Variants in NLK observed in about 807,000 individuals in gnomAD.
NLK encodes nemo like kinase, also known as serine/threonine-protein kinase NLK.
NLK carries 11 observed loss-of-function variants against 59.0 expected under a neutral mutation model. The observed-to-expected ratio is 0.19, with a 90% CI of 0.12 to 0.31. The LOEUF (loss-of-function observed/expected upper bound fraction) is 0.31. Among genes scored for constraint, NLK ranks in the 10% least tolerant of loss-of-function variants. NLK has a pLI of 1.00. For missense variants in NLK, 410 were observed against 661.1 expected (o/e 0.62, Z 4.16); for synonymous variants, 235 against 235.9 (o/e 1.00, Z 0.03).
At chr17:28,112,916 C>T (rs1905587350) in intron 1 of NLK, among the ~76,000 whole-genome samples, 1 of 151,646 alleles carries the variant, frequency 6.6e-6, no homozygotes, top group Non-Finnish European at 1.5e-5. Context: ...TGGAATTCTA[C>T]AACATAAAAA....
At chr17:28,202,181 G>A in the NLK span, among the ~76,000 whole-genome samples, 2 of 152,204 alleles carry the variant, frequency 1.3e-5, no homozygotes, top group Admixed American at 1.3e-4. Flanking sequence ...GGTATTACTT[G>A]AAGCCAGGAG....
chr17:28,099,780 T>G (rs1040771791), intron 1 of NLK, among the ~76,000 whole-genome samples: 1 of 150,846 alleles, frequency 6.6e-6, no homozygotes, highest in Non-Finnish European at 1.5e-5. Context: ...GGGTTTCACC[T>G]TGTTAGCCAG....
intron 1 of NLK, among the ~76,000 whole-genome samples, chr17:28,091,919 A>AT (rs945132977): frequency 7.3e-5 from 11 of 151,516 alleles, no homozygotes; most frequent in African/African-American, 2.2e-4. Flanking sequence ...CTGGCATCTG[A>AT]TTTTTTTTTC....
At chr17:28,118,182 G>A (rs1372082822) in intron 1 of NLK, among the ~76,000 whole-genome samples, 5 of 152,008 alleles carry the variant, frequency 3.3e-5, no homozygotes, top group Admixed American at 1.3e-4. Context: ...TAAATGTGAC[G>A]GCAATAATCT....
chr17:28,142,218 A>C lies in NLK; in HGVS notation c.644+9543A>C, dbSNP rs553858054. Among the ~76,000 whole-genome samples the C allele has an allele frequency of 7.2e-4, 110 of 151,872 alleles. 1 individual carries two copies. The highest frequency in any genetic ancestry group is 2.6e-3 in the African/African-American group (107 of 41,380). ...CCGCTTTTTTCTTTTTTTTCTGGTG[A>C]TTGGATTGATTTTTTTTTAGTCAGT... On this transcript the variant is annotated intron_variant, in intron 3 of 10. Transcript: ENST00000407008.
chr17:28,164,458 A>T (rs1908139720), intron 5 of NLK, among the ~76,000 whole-genome samples: 1 of 152,206 alleles, frequency 6.6e-6, no homozygotes, highest in African/African-American at 2.4e-5. Flanking sequence ...ATAGTAGCCA[A>T]TTCTTAATTA....
downstream of NLK, among the ~76,000 whole-genome samples, chr17:28,197,274 G>A (rs1355244899): frequency 1.1e-4 from 17 of 152,036 alleles, no homozygotes; most frequent in Non-Finnish European, 1.5e-5. Flanking sequence ...TTCAAGACCA[G>A]CCTGGCCAAC....
At chr17:28,119,629 A>G (rs931320933) in intron 1 of NLK, among the ~76,000 whole-genome samples, 2 of 152,218 alleles carry the variant, frequency 1.3e-5, no homozygotes, top group African/African-American at 2.4e-5. Context: ...TCATTTGGCA[A>G]CCATCGTAAT....
At chr17:28,061,904 CATATATACAT>C (rs991907623) in intron 1 of NLK, 19 of 138,896 alleles carry the variant, frequency 1.4e-4, no homozygotes, top group Middle Eastern at 3.8e-3. Flanking sequence ...CATATACATA[CATATATACAT>C]ATATATACAT....
chr17:28,119,709 A>G (rs1432739563), intron 1 of NLK, among the ~76,000 whole-genome samples: 1 of 152,226 alleles, frequency 6.6e-6, no homozygotes, highest in Non-Finnish European at 1.5e-5. Context: ...GGAATAGGAT[A>G]TTTACACAGT....
In NLK at chr17:28,140,887, C is replaced by T. The variant is rs116246425; in HGVS notation, c.644+8212C>T. On this transcript the variant is annotated intron_variant, in intron 3 of 10. Transcript: ENST00000407008. Reference sequence around the variant, plus strand: ...TTCAGTAGTCCTTCCTGTATCAATTCGTGTAAGAACAGTTACATATTAGTA... The same window carrying T: ...TTCAGTAGTCCTTCCTGTATCAATTTGTGTAAGAACAGTTACATATTAGTA... Among the ~76,000 whole-genome samples, 503 of 152,098 alleles carry T rather than the reference C, an allele frequency of 3.3e-3. 3 individuals are homozygous for T. Among genetic ancestry groups the T allele is most frequent in the African/African-American group, 0.011 (473 of 41,510 alleles).
chr17:28,153,274 CAAAAA>C (rs1281657628), intron 3 of NLK, among the ~76,000 whole-genome samples: 2 of 104,754 alleles, frequency 1.9e-5, no homozygotes, highest in African/African-American at 7.0e-5. Context: ...AATTCCCCCT[CAAAAA>C]AAAAAAAAAA....
rs371018166 is a variant in NLK at position 28,181,973 on chromosome 17, GC to G, written c.1150-3205del. Reference sequence around the variant, plus strand: ...TGCGGTGAGCTGAGATCGCACCATTGCGCTCCAGCCTGGGGGACAGAGCAAG... The same window carrying G: ...TGCGGTGAGCTGAGATCGCACCATTGGCTCCAGCCTGGGGGACAGAGCAAG... On this transcript the variant is annotated intron_variant, in intron 7 of 10. Transcript: ENST00000407008. Among the ~76,000 whole-genome samples the G allele has an allele frequency of 5.2e-3, 794 of 152,218 alleles. 13 individuals are homozygous for G. Among genetic ancestry groups the G allele is most frequent in the African/African-American group, 0.018 (729 of 41,518 alleles).
At position 28,054,491 on chromosome 17, in the gene NLK, A is replaced by G. The variant is rs114457318; in HGVS notation, c.458+11160A>G. ...TGAGGACAAATAATGTCGACCAACA[A>G]AGCACCTTTCTTTATTAAGACTTTC... On this transcript the variant is annotated intron_variant, in intron 1 of 10. Coordinates refer to ENST00000407008, the MANE Select transcript of NLK (RefSeq NM_016231.5). Among the ~76,000 whole-genome samples the G allele has an allele frequency of 3.9e-3, 589 of 152,368 alleles. 4 individuals carry two copies. The highest frequency in any genetic ancestry group is 0.015 in the South Asian group (72 of 4,832).
chr17:28,156,521 C>G (rs191367565), intron 3 of NLK, among the ~76,000 whole-genome samples: 1 of 152,258 alleles, frequency 6.6e-6, no homozygotes, highest in African/African-American at 2.4e-5. Context: ...TCTCTTATCC[C>G]AAACATTTCT....
At chr17:28,070,883 A>G (rs1909984323) in intron 1 of NLK, among the ~76,000 whole-genome samples, 1 of 152,168 alleles carries the variant, frequency 6.6e-6, no homozygotes, top group Non-Finnish European at 1.5e-5. Context: ...TCAATTGACT[A>G]TATAAATATA....
At chr17:28,190,526 C>T (rs578081243) in intron 8 of NLK, among the ~76,000 whole-genome samples, 1 of 152,182 alleles carries the variant, frequency 6.6e-6, no homozygotes, top group African/African-American at 2.4e-5. Flanking sequence ...GGCAGTCAGA[C>T]CACTGTCTGC....
chr17:28,202,533 T>G, the NLK span, among the ~76,000 whole-genome samples: 23 of 151,968 alleles, frequency 1.5e-4, no homozygotes, highest in Admixed American at 2.6e-4. Context: ...TCATGAGAGA[T>G]ATTGATCTGT....
chr17:28,099,568 C>CA (rs1904827869), intron 1 of NLK, among the ~76,000 whole-genome samples: 1 of 122,968 alleles, frequency 8.1e-6, no homozygotes, highest in Non-Finnish European at 1.7e-5. Flanking sequence ...TTGTGTTTGA[C>CA]TTTTTTTTTT....
Sources: gnomAD v4.1 joint callset for allele counts (sites outside exome capture counted in the v4.1 genomes callset) on GRCh38, gnomAD v4.1.1 for gene constraint, MANE v1.5 for transcripts, NCBI Gene and HGNC (gene_info 2026-07-23, HGNC 2026-07-21) for gene names.